The following CLTCL1 variants were observed in gnomAD, a reference collection of about 807,000 sequenced individuals.
CLTCL1 encodes clathrin heavy chain like 1.
In CLTCL1, 159 loss-of-function variants were observed where a neutral mutation model predicts 190.0. The observed-to-expected ratio is 0.84, with a 90% CI of 0.74 to 0.95. The LOEUF is 0.95. Ranked by LOEUF, CLTCL1 falls within the 40% of genes least tolerant of loss-of-function variation. The pLI is 0.00. For synonymous variants in CLTCL1, 752 were observed against 769.6 expected (o/e 0.98, Z 0.38); for missense variants, 1,878 against 2,033.4 (o/e 0.92, Z 1.47).
chr22:19,257,611 G>A, intron 2 of CLTCL1: 1 of 408,344 alleles, frequency 2.4e-6, no homozygotes, highest in Non-Finnish European at 4.7e-6. Flanking sequence ...CGGTTGATCA[G>A]CAGTCCAGCC....
At chr22:19,259,630 A>T (rs807433) in intron 2 of CLTCL1, among the ~76,000 whole-genome samples, 8,895 of 152,260 alleles carry the variant, frequency 0.058, 330 homozygotes, top group Middle Eastern at 0.16. Context: ...AACCACACAC[A>T]TATAAGATAG....
intron 22 of CLTCL1, chr22:19,207,703 A>G (rs1222840327): frequency 4.2e-6 from 2 of 477,884 alleles, no homozygotes; most frequent in East Asian, 3.1e-5. Flanking sequence ...CATTGCTTGC[A>G]TTACTGCCTG....
intron 18 of CLTCL1, 77 bp from the exon 19 acceptor site, chr22:19,216,333 A>G (rs1183848086): frequency 2.1e-6 from 3 of 1,398,674 alleles, no homozygotes; most frequent in African/African-American, 1.4e-5. Context: ...ACAGAAGGGA[A>G]GGACTCCTCC....
rs1208096975 is a variant in CLTCL1 at position 19,226,392 on chromosome 22, CAG to C, written c.1783-11_1783-10del. On this transcript the variant is annotated splice_polypyrimidine_tract_variant and intron_variant, in intron 11 of 32. Transcript: ENST00000427926. ...AGGATGGCATCTGCAACCTATGAAACAGGGAGTTCGGTGAGAAGCCCTGATCA... is the reference window on the plus strand; with the variant it reads ...AGGATGGCATCTGCAACCTATGAAACGGAGTTCGGTGAGAAGCCCTGATCA... The C allele has an allele frequency of 5.6e-6, 9 of 1,613,728 alleles. No homozygotes were observed. The highest frequency in any genetic ancestry group is 4.0e-5 in the African/African-American group (3 of 74,924).
chr22:19,188,899 G>A (rs5748032), intron 27 of CLTCL1, among the ~76,000 whole-genome samples: 103,832 of 151,874 alleles, frequency 0.68, 37,009 homozygotes, highest in African/African-American at 0.88. Flanking sequence ...ACAGGCATGA[G>A]CCACTGCGCC....
chr22:19,271,586 T>C (rs2146261810), intron 2 of CLTCL1, among the ~76,000 whole-genome samples: 1 of 152,316 alleles, frequency 6.6e-6, no homozygotes, highest in African/African-American at 2.4e-5. Flanking sequence ...GCTTCCTATA[T>C]AGCCTATGGA....
chr22:19,267,329 T>C (rs782262753), intron 2 of CLTCL1, among the ~76,000 whole-genome samples: 5 of 152,076 alleles, frequency 3.3e-5, no homozygotes, highest in Non-Finnish European at 7.4e-5. Context: ...AAGATCTAAA[T>C]AAACAGAGAC....
chr22:19,277,746 G>A (rs1222916152), intron 1 of CLTCL1, among the ~76,000 whole-genome samples: 1 of 152,224 alleles, frequency 6.6e-6, no homozygotes, highest in East Asian at 1.9e-4. Context: ...CGCCAGATGT[G>A]GGGGGGTTTC....
rs1555982899 is a variant in CLTCL1, at chr22:19,275,718, A to G, written c.155T>C (p.Ile52Thr). The G allele has an allele frequency of 1.2e-6, 2 of 1,607,700 alleles. No individual in the cohort carries two copies. The highest frequency in any genetic ancestry group is 3.4e-5 in the Admixed American group (2 of 59,014). Residue 52 changes from isoleucine (I) to threonine (T), a missense_variant, in exon 2 of 33, where the codon ATC becomes ACC. Ile to Thr is a moderately conservative substitution (Grantham distance 89). Transcript: ENST00000427926. Reference protein sequence around the residue: ...EKVGEQAQVTIIDMSDPMAPI... With the variant: ...EKVGEQAQVTTIDMSDPMAPI... ...AGCCATTGGGTCACTCATGTCAATGATCGTGACCTGTGCCTGCTCACCAAC... is the reference window on the plus strand; with the variant it reads ...AGCCATTGGGTCACTCATGTCAATGGTCGTGACCTGTGCCTGCTCACCAAC...
intron 32 of CLTCL1, 88 bp from the exon 33 acceptor site, chr22:19,180,057 G>A: frequency 1.4e-6 from 1 of 699,312 alleles, no homozygotes; most frequent in Non-Finnish European, 2.4e-6. Flanking sequence ...CGGGGCCCAG[G>A]GAGCAGGGTC....
At chr22:19,210,250 G>A (rs2085175719) in intron 20 of CLTCL1, 76 bp downstream of exon 20, 2 of 1,429,914 alleles carry the variant, frequency 1.4e-6, no homozygotes, top group Non-Finnish European at 1.9e-6. Context: ...CCCTTGGAGA[G>A]GACAAGGGCT....
chr22:19,223,837 C>T (rs1429080890), intron 14 of CLTCL1, 54 bp downstream of exon 14: 6 of 1,605,508 alleles, frequency 3.7e-6, no homozygotes, highest in South Asian at 1.1e-5. Flanking sequence ...GATGGTCTGC[C>T]CCACCTGCCA....
intron 1 of CLTCL1, among the ~76,000 whole-genome samples, chr22:19,286,304 C>T (rs182403118): frequency 8.1e-4 from 123 of 151,756 alleles, no homozygotes; most frequent in Non-Finnish European, 1.5e-3. Flanking sequence ...CTGGCTGAGG[C>T]AGGTTACTCT....
At chr22:19,187,784 T>C in intron 28 of CLTCL1, 56 bp from the exon 29 acceptor site, 1 of 1,554,996 alleles carries the variant, frequency 6.4e-7, no homozygotes, top group Non-Finnish European at 8.8e-7. Flanking sequence ...TGCCTACACA[T>C]GGAGCAGGCA....
intron 2 of CLTCL1, among the ~76,000 whole-genome samples, chr22:19,266,782 C>G (rs1336426802): frequency 6.6e-6 from 1 of 152,128 alleles, no homozygotes; most frequent in Non-Finnish European, 1.5e-5. Flanking sequence ...ATACACCACA[C>G]TAATAAAGGA....
chr22:19,201,435 T>C lies in CLTCL1; in HGVS notation c.3659A>G (p.Asn1220Ser), dbSNP rs2084880673. ...MYEAAKLLYSNVSNFARLAST... is the reference protein window; with the variant it reads ...MYEAAKLLYSSVSNFARLAST... ...AGCCAGGCGGGCAAAGTTAGAAACA[T>C]TGCTATAGAGCAGCTTGGCAGCCTC... Residue 1220 changes from asparagine to serine, a missense_variant, in exon 23 of 33, where the codon AAT becomes AGT. Transcript: ENST00000427926. The C allele has an allele frequency of 6.2e-7, 1 of 1,613,804 alleles. No homozygotes were observed. Among genetic ancestry groups the C allele is most frequent in the Admixed American group, 1.7e-5 (1 of 60,002 alleles).
intron 15 of CLTCL1, among the ~76,000 whole-genome samples, chr22:19,222,296 G>A (rs2085597858): frequency 6.6e-6 from 1 of 152,206 alleles, no homozygotes; most frequent in African/African-American, 2.4e-5. Context: ...GGTAATCAAT[G>A]TCAAGGGTGG....
intron 10 of CLTCL1, 86 bp from the exon 11 acceptor site, chr22:19,230,061 T>C (rs2085869526): frequency 7.8e-7 from 1 of 1,281,418 alleles, no homozygotes; most frequent in Non-Finnish European, 1.0e-6. Flanking sequence ...TGAAATATTA[T>C]CTCATTTAGA....
chr22:19,223,787 G>A (rs1185023306), intron 14 of CLTCL1, 104 bp downstream of exon 14: 1 of 1,366,968 alleles, frequency 7.3e-7, no homozygotes, highest in African/African-American at 1.4e-5. Flanking sequence ...GGGGTCCCTG[G>A]CGAGACAGAT....
Sources: allele counts gnomAD v4.1 joint callset (sites outside exome capture counted in the v4.1 genomes callset), GRCh38; gene constraint gnomAD v4.1.1; transcripts MANE v1.5; gene names NCBI Gene and HGNC (gene_info 2026-07-23, HGNC 2026-07-21).